NOL10: variants seen among roughly 807,000 people sequenced by gnomAD.
NOL10 encodes the protein H_NH0074G24.1.
A neutral mutation model predicts 103.5 loss-of-function variants in NOL10; 58 were observed. The ratio of observed to expected loss-of-function variants is 0.56; its 90% CI spans 0.45 to 0.70. The LOEUF is 0.70. NOL10 is among the 30% of genes least tolerant of loss of function. The pLI, the probability that NOL10 is intolerant of heterozygous loss-of-function variation, is 0.00. For synonymous variants in NOL10, 287 were observed against 282.5 expected, an observed-to-expected ratio of 1.02 and a Z score of -0.16; for missense variants, 763 against 807.3, an observed-to-expected ratio of 0.95 and a Z score of 0.67.
In NOL10 at chr2:10,689,846, G is replaced by A. The variant is rs906372255; in HGVS notation, c.16C>T (p.Leu6Phe). The change falls in exon 1 of 21, where the codon CTC (leucine) becomes TTC (phenylalanine). Residue 6 changes from leucine (L) to phenylalanine (F), a missense_variant. Transcript: ENST00000381685. Reference sequence around the variant, plus strand: ...AGGCTGTAAATCTTCACCTCATTGAGGCTGGAGACCTGCATGGCGCCGCAC... The same window carrying A: ...AGGCTGTAAATCTTCACCTCATTGAAGCTGGAGACCTGCATGGCGCCGCAC... MQVSS[L>F]NEVKIYSLSC... The A allele has an allele frequency of 1.2e-6, 2 of 1,607,418 alleles. No homozygotes were observed. The highest frequency in any genetic ancestry group is 2.7e-5 in the African/African-American group (2 of 74,820).
At chr2:10,615,611 T>TA (rs1393647017) in intron 13 of NOL10, among the ~76,000 whole-genome samples, 1 of 152,198 alleles carries the variant, frequency 6.6e-6, no homozygotes, top group African/African-American at 2.4e-5. Flanking sequence ...TAAAAGGTAT[T>TA]AACCTTTAAG....
intron 16 of NOL10, among the ~76,000 whole-genome samples, chr2:10,601,951 G>A (rs181466446): frequency 9.8e-4 from 150 of 152,368 alleles, no homozygotes; most frequent in Non-Finnish European, 1.7e-3. Flanking sequence ...GTATCATTTG[G>A]TGGTTGAAAT....
At chr2:10,683,464 C>T (rs536376115) in intron 2 of NOL10, among the ~76,000 whole-genome samples, 48 of 152,224 alleles carry the variant, frequency 3.2e-4, no homozygotes, top group South Asian at 8.3e-4. Flanking sequence ...TTAATTTACA[C>T]GATAAGATTT....
chr2:10,631,871 C>T (rs567343870), intron 13 of NOL10, among the ~76,000 whole-genome samples: 29 of 152,310 alleles, frequency 1.9e-4, no homozygotes, highest in Middle Eastern at 3.4e-3. Flanking sequence ...TGTGCCACCA[C>T]ATCCAGCTAA....
At chr2:10,615,374 C>CCACTATCT (rs1233282864) in intron 13 of NOL10, among the ~76,000 whole-genome samples, 1 of 152,146 alleles carries the variant, frequency 6.6e-6, no homozygotes, top group African/African-American at 2.4e-5. Flanking sequence ...ATTCCTTAAG[C>CCACTATCT]CACTATCTCA....
chr2:10,609,403 A>G (rs1165494975), intron 13 of NOL10, among the ~76,000 whole-genome samples: 1 of 140,114 alleles, frequency 7.1e-6, no homozygotes, highest in Non-Finnish European at 1.5e-5. Flanking sequence ...CTGGCTAACA[A>G]GGTGAAACCC....
chr2:10,587,267 A>T lies in NOL10; in HGVS notation c.1844+1776T>A, dbSNP rs1311386802. ...TACATATATATATATACACATATAT[A>T]TATATATATTTTTTTTTTTTTTGAG... On this transcript the variant is annotated intron_variant, in intron 19 of 20. Coordinates refer to ENST00000381685, the MANE Select transcript of NOL10 (RefSeq NM_024894.4). 1.8e-3 allele frequency among the ~76,000 whole-genome samples: 42 copies of T among 23,210 alleles called. 4 individuals are homozygous for T. The highest frequency in any genetic ancestry group is 3.5e-3 in the Admixed American group (7 of 1,972). 15.2% of individuals were successfully genotyped at this position (23,210 alleles called of 152,430 possible). A position where few individuals can be genotyped will look rare whatever the true frequency, so the allele number is the denominator to read the frequency against.
intron 20 of NOL10, among the ~76,000 whole-genome samples, chr2:10,572,717 T>G (rs1674243484): frequency 1.3e-5 from 2 of 152,168 alleles, no homozygotes; most frequent in African/African-American, 4.8e-5. Flanking sequence ...TCCAAAGAAT[T>G]TTTAGCTGTT....
chr2:10,634,638 C>T (rs1678075740), intron 13 of NOL10: 1 of 456,218 alleles, frequency 2.2e-6, no homozygotes, highest in African/African-American at 2.0e-5. Flanking sequence ...CATAAACAAG[C>T]TCCCTGGGAG....
intron 3 of NOL10, among the ~76,000 whole-genome samples, chr2:10,678,081 C>T (rs1488258993): frequency 6.6e-6 from 1 of 151,832 alleles, no homozygotes; most frequent in Non-Finnish European, 1.5e-5. Flanking sequence ...GACAGGGTCT[C>T]GCTGTTGCCC....
At chr2:10,665,919 C>T (rs1020083854) in intron 8 of NOL10, among the ~76,000 whole-genome samples, 5 of 152,120 alleles carry the variant, frequency 3.3e-5, no homozygotes, top group Admixed American at 3.3e-4. Context: ...TCTGGGGGTA[C>T]GTGCAGGTTT....
chr2:10,582,157 C>T (rs1363580623), intron 19 of NOL10, among the ~76,000 whole-genome samples: 1 of 152,110 alleles, frequency 6.6e-6, no homozygotes, highest in African/African-American at 2.4e-5. Flanking sequence ...GCTGCATTAC[C>T]TCAGCTCTTA....
Position 10,571,887 on chromosome 2 carries a change from G to A in NOL10, c.*184C>T, listed in dbSNP as rs1011081990. On this transcript the variant is annotated 3_prime_UTR_variant, in exon 21 of 21. Coordinates refer to ENST00000381685, the MANE Select transcript of NOL10 (RefSeq NM_024894.4). ...ACACCCCTGGGGCTGTGCGGTGGCC[G>A]TCGGCGGGGCCAGCTTCAAAGTCCA... The A allele has an allele frequency of 6.2e-5, 39 of 628,708 alleles. No homozygotes were observed. The highest frequency in any genetic ancestry group is 3.0e-4 in the African/African-American group (16 of 54,108). 38.9% of individuals were successfully genotyped at this position (628,708 alleles called of 1,614,324 possible).
intron 3 of NOL10, among the ~76,000 whole-genome samples, chr2:10,679,069 A>T (rs1681532776): frequency 1.3e-5 from 2 of 151,804 alleles, no homozygotes; most frequent in Admixed American, 6.6e-5. Context: ...TTTAAAAAAT[A>T]TTTTTTTTGG....
intron 8 of NOL10, among the ~76,000 whole-genome samples, chr2:10,663,851 G>C (rs7589242): frequency 0.46 from 69,445 of 150,838 alleles, 16,406 homozygotes; most frequent in East Asian, 0.61. Flanking sequence ...TTGGGAGGCT[G>C]AGGCAGGAGA....
At chr2:10,671,886 G>A (rs1339938837) in intron 5 of NOL10, among the ~76,000 whole-genome samples, 196 bp from the exon 6 acceptor site, 1 of 152,080 alleles carries the variant, frequency 6.6e-6, no homozygotes, top group Non-Finnish European at 1.5e-5. Context: ...ATGCCTTCCT[G>A]TATCCTGATA....
At chr2:10,643,184 T>C (rs1363236117) in intron 13 of NOL10, among the ~76,000 whole-genome samples, 3 of 152,156 alleles carry the variant, frequency 2.0e-5, no homozygotes, top group Non-Finnish European at 2.9e-5. Flanking sequence ...AAACGAAATA[T>C]CTCTAAGTGC....
At chr2:10,689,525 C>T (rs974508552) in intron 1 of NOL10, among the ~76,000 whole-genome samples, 2 of 152,220 alleles carry the variant, frequency 1.3e-5, no homozygotes, top group African/African-American at 4.8e-5. Flanking sequence ...TGGTTGCGTT[C>T]TCTGGAACAG....
At chr2:10,612,808 T>C (rs1323271564) in intron 13 of NOL10, among the ~76,000 whole-genome samples, 2 of 152,178 alleles carry the variant, frequency 1.3e-5, no homozygotes, top group Non-Finnish European at 2.9e-5. Flanking sequence ...AATATTCTTT[T>C]ACAAGCCTGG....
Sources: allele counts gnomAD v4.1 joint callset (sites outside exome capture counted in the v4.1 genomes callset), GRCh38; gene constraint gnomAD v4.1.1; transcripts MANE v1.5; gene names NCBI Gene and HGNC (gene_info 2026-07-23, HGNC 2026-07-21).